The following KIAA0319L variants were observed in gnomAD, a reference collection of about 807,000 sequenced individuals.
The protein encoded by KIAA0319L is KIAA0319 like, also known as dyslexia-associated protein KIAA0319-like protein.
A neutral mutation model predicts 120.1 loss-of-function variants in KIAA0319L; 55 were observed. The ratio of observed to expected loss-of-function variants is 0.46; its 90% CI spans 0.37 to 0.57. The LOEUF (loss-of-function observed/expected upper bound fraction) is 0.57, where lower values mean the gene tolerates loss of function less well. KIAA0319L is among the 20% of genes least tolerant of loss of function. The pLI, the probability that KIAA0319L is intolerant of heterozygous loss-of-function variation, is 0.00. For missense variants in KIAA0319L, 1,049 were observed against 1,255.3 expected (o/e 0.84, Z 2.48); for synonymous variants, 398 against 471.9 (o/e 0.84, Z 2.03).
intron 2 of KIAA0319L, among the ~76,000 whole-genome samples, chr1:35,523,914 G>GA (rs898515367): frequency 1.1e-4 from 17 of 152,220 alleles, no homozygotes; most frequent in African/African-American, 3.9e-4. Flanking sequence ...GTTGGGAGGG[G>GA]AGGGAGAGTT....
chr1:35,444,959 A>G (rs1488226962), intron 16 of KIAA0319L, among the ~76,000 whole-genome samples: 1 of 152,206 alleles, frequency 6.6e-6, no homozygotes, highest in Non-Finnish European at 1.5e-5. Flanking sequence ...TCTGGGTAGT[A>G]CCAAGTCTGT....
intron 2 of KIAA0319L, among the ~76,000 whole-genome samples, chr1:35,545,927 C>G (rs1460074494): frequency 6.6e-6 from 1 of 151,888 alleles, no homozygotes; most frequent in Non-Finnish European, 1.5e-5. Context: ...GGGATTTCAA[C>G]CTCAGAATAT....
At position 35,526,470 on chromosome 1, in the gene KIAA0319L, G is replaced by A. The variant is rs938612306; in HGVS notation, c.143-19335C>T. On this transcript the variant is annotated intron_variant, in intron 2 of 20. Transcript: ENST00000325722. ...ATATATTTGTGGGTTTTTAGAGACA[G>A]GATCTCGCTTTGTTGCCCAGGCTGG... 3.4e-5 allele frequency among the ~76,000 whole-genome samples: 5 copies of A among 146,908 alleles called. 1 individual carries two copies. Among genetic ancestry groups the A allele is most frequent in the South Asian group, 4.3e-4 (2 of 4,700 alleles).
intron 3 of KIAA0319L, among the ~76,000 whole-genome samples, chr1:35,480,051 T>C (rs905115280): frequency 6.6e-6 from 1 of 151,308 alleles, no homozygotes; most frequent in African/African-American, 2.4e-5. Context: ...ATTATTATTA[T>C]TAAAGAAAAA....
chr1:35,457,192 T>C (rs1242053531), intron 9 of KIAA0319L, among the ~76,000 whole-genome samples: 2 of 152,082 alleles, frequency 1.3e-5, no homozygotes, highest in Non-Finnish European at 2.9e-5. Context: ...AAGGGCTATA[T>C]AGTGAGCCAA....
chr1:35,445,241 C>G (rs1641532607), intron 16 of KIAA0319L, among the ~76,000 whole-genome samples: 1 of 152,118 alleles, frequency 6.6e-6, no homozygotes, highest in African/African-American at 2.4e-5. Flanking sequence ...CTGAGAAGTA[C>G]TGCCACAGAC....
At chr1:35,534,633 G>T (rs1646497378) in intron 2 of KIAA0319L, among the ~76,000 whole-genome samples, 1 of 152,180 alleles carries the variant, frequency 6.6e-6, no homozygotes, top group African/African-American at 2.4e-5. Flanking sequence ...GCCGAGGCAG[G>T]TGGATCACGA....
chr1:35,483,181 A>C (rs1644242849), intron 3 of KIAA0319L, among the ~76,000 whole-genome samples: 1 of 152,184 alleles, frequency 6.6e-6, no homozygotes, highest in African/African-American at 2.4e-5. Flanking sequence ...ATGTTTTCTC[A>C]GTCTGTATCT....
At position 35,453,383 on chromosome 1, in the gene KIAA0319L, T is replaced by G. The variant is rs2149093215; in HGVS notation, c.1913+174A>C. 6.6e-6 allele frequency among the ~76,000 whole-genome samples: 1 copy of G among 152,348 alleles called. No homozygotes were observed. Among genetic ancestry groups the G allele is most frequent in the South Asian group, 2.1e-4 (1 of 4,826 alleles). ...AGCATTCTTTTTTTCTTACAAAAAT[T>G]ATGATTATAATATCATTTTCTTGGA... On this transcript the variant is annotated intron_variant, in intron 12 of 20. Transcript: ENST00000325722. The surrounding 1 kb of genome is among the most constrained non-coding windows in gnomAD (Gnocchi z 4.1).
rs1315365046 is a variant in KIAA0319L at position 35,448,227 on chromosome 1, C to T, written c.2459G>A (p.Gly820Glu). Reference protein sequence around the residue: ...MFIRQIGVLLGVLDSDIIVQK... With the variant: ...MFIRQIGVLLEVLDSDIIVQK... ...CACAATGATGTCGGAATCCAGCACCCCCAGGAGGACCCCAATCTGGCGGAT... is the reference window on the plus strand; with the variant it reads ...CACAATGATGTCGGAATCCAGCACCTCCAGGAGGACCCCAATCTGGCGGAT... Residue 820 changes from glycine (G) to glutamate (E), a missense_variant, in exon 16 of 21, where the codon GGG (glycine) becomes GAG (glutamate). By Grantham distance (98) the Gly-to-Glu change is moderately conservative (BLOSUM62 -2). Coordinates refer to ENST00000325722, the MANE Select transcript of KIAA0319L (RefSeq NM_024874.5). 6.2e-7 allele frequency: 1 copy of T among 1,614,096 alleles called. No homozygotes were observed. The highest frequency in any genetic ancestry group is 8.5e-7 in the Non-Finnish European group (1 of 1,179,986).
rs200243360 is a variant in KIAA0319L, at chr1:35,499,375, CAG to C, written c.666+7235_666+7236del. Among the ~76,000 whole-genome samples the C allele has an allele frequency of 6.4e-3, 977 of 152,068 alleles. 15 individuals carry two copies. Among genetic ancestry groups the C allele is most frequent in the African/African-American group, 0.018 (767 of 41,490 alleles). On this transcript the variant is annotated intron_variant, in intron 3 of 20. Coordinates refer to ENST00000325722, the MANE Select transcript of KIAA0319L (RefSeq NM_024874.5). ...GGATTAGTGCTCTTAGAAAACGGAC[CAG>C]AGAGAGTTTGTCTTCCTCTTCCACC...
intron 2 of KIAA0319L, among the ~76,000 whole-genome samples, chr1:35,508,057 C>A (rs1645270957): frequency 6.6e-6 from 1 of 152,164 alleles, no homozygotes; most frequent in African/African-American, 2.4e-5. Flanking sequence ...AAGGTACTGG[C>A]TCTATAGGTG....
chr1:35,462,540 C>A, intron 8 of KIAA0319L, 81 bp downstream of exon 8: 1 of 1,167,482 alleles, frequency 8.6e-7, no homozygotes, highest in Admixed American at 1.8e-5. Flanking sequence ...ACACAGCTGG[C>A]CCCAAATCTT....
chr1:35,443,251 GT>G, intron 17 of KIAA0319L: 1 of 531,808 alleles, frequency 1.9e-6, no homozygotes, highest in South Asian at 2.6e-5. Flanking sequence ...GTCTTCACTT[GT>G]TGTTTGTCTA....
chr1:35,520,718 C>T (rs1367836790), intron 2 of KIAA0319L, among the ~76,000 whole-genome samples: 1 of 152,190 alleles, frequency 6.6e-6, no homozygotes, highest in Non-Finnish European at 1.5e-5. Flanking sequence ...TCCCTCCTAG[C>T]TATTATCCTC....
At chr1:35,459,893 T>C (rs574964946) in intron 9 of KIAA0319L, among the ~76,000 whole-genome samples, 2 of 152,158 alleles carry the variant, frequency 1.3e-5, no homozygotes, top group South Asian at 2.1e-4. Flanking sequence ...AAACCACTAG[T>C]CAAACATAAA....
At chr1:35,550,449 G>T (rs370603508) in intron 2 of KIAA0319L, among the ~76,000 whole-genome samples, 21 of 152,250 alleles carry the variant, frequency 1.4e-4, no homozygotes, top group East Asian at 5.8e-4. Flanking sequence ...TTATTATTTT[G>T]TTGTTGCTTT....
intron 20 of KIAA0319L, chr1:35,439,715 G>C (rs1447175480): frequency 6.6e-6 from 1 of 152,284 alleles, no homozygotes; most frequent in Non-Finnish European, 1.5e-5. Context: ...AGGACCACTT[G>C]AGCTCAGGAG....
In KIAA0319L at chr1:35,478,971, T is replaced by A; in HGVS notation, c.908A>T (p.Tyr303Phe). Residue 303 changes from tyrosine (Y) to phenylalanine (F), a missense_variant, in exon 4 of 21, where the codon TAC (tyrosine) becomes TTC (phenylalanine). By Grantham distance (22) the Tyr-to-Phe change is conservative (BLOSUM62 3). Coordinates refer to ENST00000325722, the MANE Select transcript of KIAA0319L (RefSeq NM_024874.5). ...CCAAGAGCAAAGGTCCTTACCTGGG[T>A]ATGGTGCTGAGGTGCTCTGGAAAGA... ...QASFQSTSAP[Y>F]PVIKELVVSA... is the part of the protein sequence containing the mutation. 1 of 1,613,910 alleles carries A rather than the reference T, an allele frequency of 6.2e-7. No homozygotes were observed. The highest frequency in any genetic ancestry group is 8.5e-7 in the Non-Finnish European group (1 of 1,179,910).
Sources: allele counts gnomAD v4.1 joint callset (sites outside exome capture counted in the v4.1 genomes callset), GRCh38; gene constraint gnomAD v4.1.1; non-coding constraint Gnocchi (gnomAD v3.1); transcripts MANE v1.5; gene names NCBI Gene and HGNC (gene_info 2026-07-23, HGNC 2026-07-21).